The following PTPRD variants were observed in gnomAD, a reference collection of about 807,000 sequenced individuals.
The protein encoded by PTPRD is protein tyrosine phosphatase receptor type D.
In PTPRD, 34 loss-of-function variants were observed where a neutral mutation model predicts 214.5. That is an observed-to-expected ratio of 0.16 (90% CI 0.12 to 0.21). The LOEUF (loss-of-function observed/expected upper bound fraction) is 0.21, where lower values mean the gene tolerates loss of function less well. Ranked by LOEUF, PTPRD falls within the 10% of genes least tolerant of loss-of-function variation. The pLI, the probability that PTPRD is intolerant of heterozygous loss-of-function variation, is 1.00. For synonymous variants in PTPRD, 1,128 were observed against 845.7 expected (o/e 1.33, Z -5.79); for missense variants, 2,545 against 2,398.7 (o/e 1.06, Z -1.27).
chr9:9,897,153 CA>C (rs1354082712), intron 5 of PTPRD, among the ~76,000 whole-genome samples: 2,177 of 151,852 alleles, frequency 0.014, 56 homozygotes, highest in African/African-American at 0.05. Flanking sequence ...CACACACACA[CA>C]CACACACCGC....
At chr9:9,743,757 CACACACACACACAA>C (rs1314431035) in intron 6 of PTPRD, among the ~76,000 whole-genome samples, 1,519 of 150,984 alleles carry the variant, frequency 0.01, 26 homozygotes, top group African/African-American at 0.034. Flanking sequence ...CACACACACA[CACACACACACACAA>C]TTTATACTGA....
chr9:8,410,635 T>C (rs564369465), intron 35 of PTPRD, among the ~76,000 whole-genome samples: 574 of 152,224 alleles, frequency 3.8e-3, no homozygotes, highest in Non-Finnish European at 6.4e-3. Flanking sequence ...AGAAAAGGCA[T>C]AGAAAATGTA....
intron 7 of PTPRD, among the ~76,000 whole-genome samples, chr9:9,607,125 T>C (rs2094212827): frequency 6.6e-6 from 1 of 151,732 alleles, no homozygotes; most frequent in African/African-American, 2.4e-5. Flanking sequence ...ACAGACTGAA[T>C]GCAATGAGTT....
chr9:8,956,787 G>A (rs1323721770), intron 11 of PTPRD, among the ~76,000 whole-genome samples: 2 of 151,804 alleles, frequency 1.3e-5, no homozygotes, highest in African/African-American at 4.8e-5. Context: ...GATTTTCACA[G>A]AAACTGAACC....
intron 9 of PTPRD, among the ~76,000 whole-genome samples, chr9:9,280,708 C>T (rs984156175): frequency 1.3e-5 from 2 of 151,282 alleles, no homozygotes; most frequent in Admixed American, 1.3e-4. Context: ...TTCTTCCTAA[C>T]TTGATTTATA....
intron 10 of PTPRD, among the ~76,000 whole-genome samples, chr9:9,152,809 G>A (rs1305898639): frequency 6.6e-6 from 1 of 152,184 alleles, no homozygotes; most frequent in Admixed American, 6.5e-5. Context: ...CACTTCAGTT[G>A]ATGAGGGCAT....
At chr9:9,413,832 G>A (rs2076234428) in intron 8 of PTPRD, among the ~76,000 whole-genome samples, 1 of 152,146 alleles carries the variant, frequency 6.6e-6, no homozygotes, top group Non-Finnish European at 1.5e-5. Context: ...TCTGCCACAT[G>A]ACAGTCACTT....
Position 9,807,039 on chromosome 9 carries a change from C to T in PTPRD, c.-367-40188G>A, listed in dbSNP as rs949371209. Among the ~76,000 whole-genome samples, 8 of 152,236 alleles carry T rather than the reference C, an allele frequency of 5.3e-5. No individual in the cohort carries two copies. The South Asian group carries it at 1.5e-3, about 28-fold the overall frequency. On this transcript the variant is annotated intron_variant, in intron 5 of 45. Coordinates refer to ENST00000381196, the MANE Select transcript of PTPRD (RefSeq NM_002839.4). ...CAAGACAAGAGTCAGATGGAATACT[C>T]GGATCTCTCAAGTCACCTACTTGGC...
chr9:8,507,718 T>G (rs1347503721), intron 21 of PTPRD, among the ~76,000 whole-genome samples: 2 of 152,218 alleles, frequency 1.3e-5, no homozygotes, highest in Non-Finnish European at 2.9e-5. Flanking sequence ...AAAAATTCTT[T>G]ACTTCATGAT....
chr9:9,412,171 C>T (rs2075660601), intron 8 of PTPRD, among the ~76,000 whole-genome samples: 1 of 151,992 alleles, frequency 6.6e-6, no homozygotes, highest in Non-Finnish European at 1.5e-5. Context: ...GCCAGAATTA[C>T]CTAGAGTCAG....
intron 10 of PTPRD, among the ~76,000 whole-genome samples, chr9:9,127,965 T>C (rs2099836638): frequency 6.6e-6 from 1 of 152,188 alleles, no homozygotes; most frequent in African/African-American, 2.4e-5. Context: ...TCCTACTTCT[T>C]TTGCCTCTAT....
intron 6 of PTPRD, among the ~76,000 whole-genome samples, chr9:9,754,613 G>T (rs2098551582): frequency 6.6e-6 from 1 of 152,020 alleles, no homozygotes; most frequent in Non-Finnish European, 1.5e-5. Context: ...TACATGCTAT[G>T]TACTAAATAA....
chr9:8,579,974 T>C (rs916667188), intron 14 of PTPRD, among the ~76,000 whole-genome samples: 13 of 152,188 alleles, frequency 8.5e-5, no homozygotes, highest in Admixed American at 5.9e-4. Context: ...TGATCAGATT[T>C]CACTCCTGGG....
At chr9:10,223,712 T>TAATA (rs1554887173) in intron 3 of PTPRD, among the ~76,000 whole-genome samples, 1 of 144,034 alleles carries the variant, frequency 6.9e-6, no homozygotes, top group Non-Finnish European at 1.5e-5. Context: ...ATAATAATAA[T>TAATA]AAAGTAGAGT....
chr9:9,781,797 A>T (rs28704574), intron 5 of PTPRD, among the ~76,000 whole-genome samples: 73,436 of 146,488 alleles, frequency 0.5, 19,199 homozygotes, highest in East Asian at 0.72. Flanking sequence ...CTGGACTCAT[A>T]TTTTTTTTTT....
chr9:9,080,435 T>C (rs955333297), intron 10 of PTPRD, among the ~76,000 whole-genome samples: 6 of 152,136 alleles, frequency 3.9e-5, no homozygotes, highest in African/African-American at 1.4e-4. Context: ...GTGCCACATA[T>C]TGTTTGAAGC....
chr9:9,680,959 T>C (rs952006722), intron 7 of PTPRD, among the ~76,000 whole-genome samples: 2 of 151,800 alleles, frequency 1.3e-5, no homozygotes, highest in African/African-American at 4.8e-5. Context: ...TTCACGAATA[T>C]ATCACTATAT....
At chr9:10,583,750 T>A (rs1163419317) in intron 2 of PTPRD, among the ~76,000 whole-genome samples, 1 of 152,014 alleles carries the variant, frequency 6.6e-6, no homozygotes, top group South Asian at 2.1e-4. Flanking sequence ...AGTGCTGGGA[T>A]TACAGGCGTG....
chr9:9,025,669 G>A (rs140011667), intron 10 of PTPRD, among the ~76,000 whole-genome samples: 4 of 151,946 alleles, frequency 2.6e-5, no homozygotes, highest in South Asian at 4.2e-4. Context: ...ATTTGGGAGC[G>A]GGTAAGGAAG....
Sources: gnomAD v4.1 joint callset for allele counts (sites outside exome capture counted in the v4.1 genomes callset) on GRCh38, gnomAD v4.1.1 for gene constraint, MANE v1.5 for transcripts, NCBI Gene and HGNC (gene_info 2026-07-23, HGNC 2026-07-21) for gene names.